The following PCDHA2 variants were observed in gnomAD, a reference collection of about 807,000 sequenced individuals.
The protein encoded by PCDHA2 is protocadherin alpha-2.
In PCDHA2, 58 loss-of-function variants were observed where a neutral mutation model predicts 66.0. That is an observed-to-expected ratio of 0.88 (90% CI 0.71 to 1.09). The LOEUF (loss-of-function observed/expected upper bound fraction) is 1.09, where lower values mean the gene tolerates loss of function less well. PCDHA2 is among the 50% of genes least tolerant of loss of function. The pLI is 0.00. For synonymous variants in PCDHA2, 634 were observed against 554.0 expected (o/e 1.14, Z -2.03); for missense variants, 1,267 against 1,242.3 (o/e 1.02, Z -0.30).
chr5:140,929,166 C>A (rs782695019), intron 1 of PCDHA2: 1 of 1,614,146 alleles, frequency 6.2e-7, no homozygotes, highest in Admixed American at 1.7e-5. Context: ...TCTATCGGGC[C>A]TCTCTGGGAC....
At chr5:140,913,867 T>G (rs1554196087) in intron 1 of PCDHA2, among the ~76,000 whole-genome samples, 2 of 152,234 alleles carry the variant, frequency 1.3e-5, no homozygotes. Flanking sequence ...TTGTTTAATT[T>G]CCATGTGTTC....
At chr5:140,868,826 G>A in intron 1 of PCDHA2, 1 of 406,060 alleles carries the variant, frequency 2.5e-6, no homozygotes, top group Non-Finnish European at 4.3e-6. Flanking sequence ...TTTGGGGGAA[G>A]AAACCCAAAA....
rs569740487 is a variant in PCDHA2, at chr5:140,970,470, G to A, written c.2389-8479G>A. On this transcript the variant is annotated intron_variant, in intron 1 of 3. Transcript: ENST00000526136. Reference sequence around the variant, plus strand: ...AGTTTTGAGATTTAAGTAGGTATAAGGCCAGCTTGTTCATTATTATGAAGA... The same window carrying A: ...AGTTTTGAGATTTAAGTAGGTATAAAGCCAGCTTGTTCATTATTATGAAGA... Among the ~76,000 whole-genome samples the A allele has an allele frequency of 2.6e-5, 4 of 152,238 alleles. No homozygotes were observed. In the South Asian group the frequency reaches 8.3e-4, roughly 32 times the overall value.
intron 1 of PCDHA2, among the ~76,000 whole-genome samples, chr5:140,908,289 G>A (rs1031565997): frequency 2.6e-5 from 4 of 152,184 alleles, no homozygotes; most frequent in Non-Finnish European, 4.4e-5. Flanking sequence ...GTTGCAAGCT[G>A]GGGAAGAGAA....
chr5:140,802,636 G>C, intron 1 of PCDHA2: 3 of 1,613,858 alleles, frequency 1.9e-6, no homozygotes, highest in South Asian at 1.1e-5. Context: ...GTGTCTGCGC[G>C]GGACGCGGAC....
chr5:140,944,346 C>A (rs2093644964), intron 1 of PCDHA2, among the ~76,000 whole-genome samples: 2 of 152,130 alleles, frequency 1.3e-5, no homozygotes, highest in African/African-American at 4.8e-5. Flanking sequence ...TGCCACCACA[C>A]CTGGCTAATT....
intron 1 of PCDHA2, among the ~76,000 whole-genome samples, chr5:140,938,685 C>CTT (rs1554212299): frequency 6.6e-6 from 1 of 151,964 alleles, no homozygotes; most frequent in African/African-American, 2.4e-5. Context: ...ATTTTCTTTA[C>CTT]AGTTTTTAAA....
chr5:140,945,998 A>G (rs246057), intron 1 of PCDHA2, among the ~76,000 whole-genome samples: 85,388 of 151,608 alleles, frequency 0.56, 24,621 homozygotes, highest in African/African-American at 0.69. Context: ...GATTGCATCA[A>G]ACTAAAAAGC....
At position 140,857,729 on chromosome 5, in the gene PCDHA2, G is replaced by A. The variant is rs782508750; in HGVS notation, c.2388+60377G>A. 1.8e-5 allele frequency: 29 copies of A among 1,597,292 alleles called. 3 individuals are homozygous for A. The highest frequency in any genetic ancestry group is 1.3e-5 in the African/African-American group (1 of 74,288). ...GTTCGTGCTGGACGAGAACGACAACGCTCCCGCGCTGCTGGCGTCTCCCGC... is the reference window on the plus strand; with the variant it reads ...GTTCGTGCTGGACGAGAACGACAACACTCCCGCGCTGCTGGCGTCTCCCGC... On this transcript the variant is annotated intron_variant, in intron 1 of 3. Transcript: ENST00000526136.
chr5:140,849,562 C>T, intron 1 of PCDHA2: 2 of 1,598,556 alleles, frequency 1.3e-6, no homozygotes, highest in Non-Finnish European at 1.7e-6. Context: ...AAAACGCTCT[C>T]GGTTCCTGTA....
chr5:140,888,583 G>C (rs2061886743), intron 1 of PCDHA2, among the ~76,000 whole-genome samples: 1 of 152,184 alleles, frequency 6.6e-6, no homozygotes, highest in African/African-American at 2.4e-5. Flanking sequence ...AGATTTGTTA[G>C]TACACATTCA....
At chr5:140,826,677 T>A (rs897624044) in intron 1 of PCDHA2, among the ~76,000 whole-genome samples, 2 of 152,092 alleles carry the variant, frequency 1.3e-5, no homozygotes, top group African/African-American at 4.8e-5. Context: ...TAGACGTAAT[T>A]AAAAAAACCC....
chr5:140,922,898 T>A (rs916788135), intron 1 of PCDHA2, among the ~76,000 whole-genome samples: 2 of 152,022 alleles, frequency 1.3e-5, no homozygotes, highest in African/African-American at 4.8e-5. Flanking sequence ...CAAGAAAAAA[T>A]TTTGAGATAC....
At chr5:140,957,252 A>C (rs557518275) in intron 1 of PCDHA2, among the ~76,000 whole-genome samples, 80 of 152,330 alleles carry the variant, frequency 5.3e-4, no homozygotes, top group African/African-American at 1.9e-3. Context: ...CCTAAAATTT[A>C]AATATGTAAG....
intron 1 of PCDHA2, chr5:140,883,849 G>A (rs2059850853): frequency 1.2e-6 from 2 of 1,612,940 alleles, no homozygotes; most frequent in East Asian, 2.2e-5. Context: ...ACCACGAGGA[G>A]CTGGAGCTGT....
chr5:140,805,885 GAAGC>G (rs1445716478), intron 1 of PCDHA2, among the ~76,000 whole-genome samples: 3 of 152,066 alleles, frequency 2.0e-5, no homozygotes, highest in East Asian at 1.9e-4. Context: ...GCAATGGAAG[GAAGC>G]AAACATTTTC....
chr5:140,975,522 G>A (rs2096670563), intron 1 of PCDHA2, among the ~76,000 whole-genome samples: 1 of 152,128 alleles, frequency 6.6e-6, no homozygotes, highest in African/African-American at 2.4e-5. Context: ...ATCTGCAGTG[G>A]ATATATTCTT....
rs57893927 is a variant in PCDHA2, at chr5:140,946,631, T to TATATATATATATATATAC, written c.2389-32317_2389-32316insTATATATATATATATACA. Among the ~76,000 whole-genome samples, 374 of 131,796 alleles carry TATATATATATATATATAC rather than the reference T, an allele frequency of 2.8e-3. 24 individuals carry two copies. The highest frequency in any genetic ancestry group is 0.011 in the African/African-American group (320 of 28,670). 86.5% of individuals were successfully genotyped at this position (131,796 alleles called of 152,430 possible). ...TGTGAAATATATATATATATATATA[T>TATATATATATATATATAC]ACAATGGAATACTCATCAGCCATTA... On this transcript the variant is annotated intron_variant, in intron 1 of 3. Coordinates refer to ENST00000526136, the MANE Select transcript of PCDHA2 (RefSeq NM_018905.3).
intron 1 of PCDHA2, chr5:140,850,280 C>G: frequency 6.3e-7 from 1 of 1,595,478 alleles, no homozygotes; most frequent in Non-Finnish European, 8.6e-7. Flanking sequence ...GGAAGGTGCG[C>G]GCAGTGGACG....
Sources: gnomAD v4.1 joint callset for allele counts (sites outside exome capture counted in the v4.1 genomes callset) on GRCh38, gnomAD v4.1.1 for gene constraint, MANE v1.5 for transcripts, NCBI Gene and HGNC (gene_info 2026-07-23, HGNC 2026-07-21) for gene names.